Variants in CNR2 observed in about 807,000 individuals in gnomAD.
CNR2 encodes cannabinoid receptor 2.
For synonymous variants in CNR2, 172 were observed against 182.2 expected (o/e 0.94, Z 0.45); for missense variants, 379 against 439.9 (o/e 0.86, Z 1.24).
intron 1 of CNR2, among the ~76,000 whole-genome samples, chr1:23,890,335 G>A (rs1164777014): frequency 1.3e-5 from 2 of 151,008 alleles, no homozygotes; most frequent in Non-Finnish European, 2.9e-5. Context: ...CCTGACCTTC[G>A]CCTGAGAGCC....
At chr1:23,880,200 C>T (rs1375966653) in intron 1 of CNR2, among the ~76,000 whole-genome samples, 10 of 6,802 alleles carry the variant, frequency 1.5e-3, no homozygotes, top group Admixed American at 3.6e-3. Flanking sequence ...TTTTTTGAGA[C>T]GGAGTCTCAC....
intron 1 of CNR2, among the ~76,000 whole-genome samples, chr1:23,898,970 T>G (rs1640336506): frequency 6.6e-6 from 1 of 152,148 alleles, no homozygotes; most frequent in South Asian, 2.1e-4. Context: ...TATATTATTT[T>G]TAAATGTTTT....
At chr1:23,885,630 A>G (rs188402516) in intron 1 of CNR2, among the ~76,000 whole-genome samples, 2,386 of 152,166 alleles carry the variant, frequency 0.016, 33 homozygotes, top group Non-Finnish European at 0.019. Flanking sequence ...CTGTAATCCC[A>G]GCACTCTGGG....
Position 23,872,160 on chromosome 1 carries a change from A to AAAC in CNR2, c.*2374_*2375insGTT, listed in dbSNP as rs1639775329. On this transcript the variant is annotated 3_prime_UTR_variant, in exon 2 of 2. Coordinates refer to ENST00000374472, the MANE Select transcript of CNR2 (RefSeq NM_001841.3). ...AAAAAAAAAAAAAAAAAAAAAAGAC[A>AAAC]CCAAGAGACACAGAGGAAATGCCAT... is the stretch of plus-strand genomic sequence containing the variant. 7.0e-6 allele frequency: 1 copy of AAAC among 142,584 alleles called. No homozygotes were observed. The highest frequency in any genetic ancestry group is 2.6e-5 in the African/African-American group (1 of 38,998). The allele number at this position is 142,584 out of a possible 1,614,324, so 8.8% of individuals were successfully genotyped here. A position where few individuals can be genotyped will look rare whatever the true frequency, so the allele number is the denominator to read the frequency against.
chr1:23,880,291 C>T (rs756234804), intron 1 of CNR2, among the ~76,000 whole-genome samples: 25 of 150,402 alleles, frequency 1.7e-4, no homozygotes, highest in Non-Finnish European at 2.7e-4. Flanking sequence ...CTTTCTCTTG[C>T]CTCAGCCTCC....
chr1:23,875,138 G>C lies in CNR2; in HGVS notation c.480C>G (p.Leu160=). The change falls in exon 2 of 2, where the codon CTC becomes CTG. Residue 160 remains leucine (L), a synonymous_variant. Coordinates refer to ENST00000374472, the MANE Select transcript of CNR2 (RefSeq NM_001841.3). ...ALVTLGIMWV[L]SALVSYLPLM... The stretch of plus-strand genomic sequence containing the variant: ...GGGGCAGGTAGGAGACTAGTGCTGA[G>C]AGGACCCACATGATGCCCAGGGTCA... 1.2e-6 allele frequency: 2 copies of C among 1,612,232 alleles called. No individual in the cohort carries two copies. Among genetic ancestry groups the C allele is most frequent in the African/African-American group, 2.7e-5 (2 of 75,038 alleles).
intron 1 of CNR2, among the ~76,000 whole-genome samples, chr1:23,882,441 CT>C (rs1162048274): frequency 6.6e-6 from 1 of 152,122 alleles, no homozygotes; most frequent in African/African-American, 2.4e-5. Context: ...CATTGAATGA[CT>C]ACGAAATTGT....
intron 1 of CNR2, among the ~76,000 whole-genome samples, chr1:23,900,896 T>A (rs1463484494): frequency 1.3e-5 from 2 of 152,124 alleles, no homozygotes; most frequent in Admixed American, 6.6e-5. Flanking sequence ...AAATCTCTGA[T>A]CCTCGAATGC....
Position 23,875,071 on chromosome 1 carries a change from A to G in CNR2, c.547T>C (p.Phe183Leu). 6.2e-7 allele frequency: 1 copy of G among 1,601,866 alleles called. No homozygotes were observed. Among genetic ancestry groups the G allele is most frequent in the Non-Finnish European group, 8.5e-7 (1 of 1,174,494 alleles). Reference protein sequence around the residue: ...TCCPRPCSELFPLIPNDYLLS... With the variant: ...TCCPRPCSELLPLIPNDYLLS... The stretch of plus-strand genomic sequence containing the variant: ...AGGTAGTCATTGGGGATCAGTGGGA[A>G]AAGCTCAGAGCAGGGCCTGGGACAG... Residue 183 changes from phenylalanine (F) to leucine (L), a missense_variant, in exon 2 of 2, where the codon TTC (phenylalanine) becomes CTC (leucine). Physicochemically the swap from Phe to Leu is conservative, Grantham distance 22. Coordinates refer to ENST00000374472, the MANE Select transcript of CNR2 (RefSeq NM_001841.3).
chr1:23,901,476 C>T, intron 1 of CNR2: 1 of 1,559,290 alleles, frequency 6.4e-7, no homozygotes, highest in Non-Finnish European at 8.7e-7. Flanking sequence ...GCACCTCAGG[C>T]ATAGAAGATG....
At chr1:23,880,561 TA>T (rs1366484358) in intron 1 of CNR2, among the ~76,000 whole-genome samples, 3 of 151,950 alleles carry the variant, frequency 2.0e-5, no homozygotes, top group African/African-American at 7.2e-5. Flanking sequence ...TAAAATGTAT[TA>T]TTTTTAGTTT....
At chr1:23,889,920 C>T (rs1640155892) in intron 1 of CNR2, among the ~76,000 whole-genome samples, 1 of 152,142 alleles carries the variant, frequency 6.6e-6, no homozygotes, top group East Asian at 1.9e-4. Context: ...ACCTGGTTTA[C>T]AGTAGGTATC....
At chr1:23,880,673 C>T (rs9424396) in intron 1 of CNR2, among the ~76,000 whole-genome samples, 126,663 of 151,484 alleles carry the variant, frequency 0.84, 53,124 homozygotes, top group Non-Finnish European at 0.86. Flanking sequence ...TCAAGTGATT[C>T]TCCTGCTTCA....
chr1:23,902,717 G>A, intron 1 of CNR2: 2 of 1,583,696 alleles, frequency 1.3e-6, no homozygotes, highest in South Asian at 1.1e-5. Flanking sequence ...ACATGAGCGC[G>A]TTCCTCTCGC....
rs1639842660 is a variant in CNR2 at position 23,874,967 on chromosome 1, A to T, written c.651T>A (p.His217Gln). The T allele has an allele frequency of 6.2e-7, 1 of 1,610,056 alleles. No homozygotes were observed. ...YTYGHVLWKA[H>Q]QHVASLSGHQ... ...GGCCAGACAAGCTGGCCACATGCTG[A>T]TGGGCCTTCCAGAGAACATGCCCAT... The change falls in exon 2 of 2, where the codon CAT becomes CAA. Residue 217 changes from histidine (H) to glutamine (Q), a missense_variant. Coordinates refer to ENST00000374472, the MANE Select transcript of CNR2 (RefSeq NM_001841.3).
intron 1 of CNR2, among the ~76,000 whole-genome samples, chr1:23,892,252 G>A (rs4573477): frequency 0.82 from 124,337 of 151,854 alleles, 51,012 homozygotes; most frequent in Admixed American, 0.84. Flanking sequence ...CAGTGGAGGT[G>A]GGACAGCACT....
At chr1:23,880,378 C>T (rs1039306064) in intron 1 of CNR2, among the ~76,000 whole-genome samples, 4 of 151,764 alleles carry the variant, frequency 2.6e-5, no homozygotes, top group Non-Finnish European at 4.4e-5. Flanking sequence ...GGGGTTTCAC[C>T]GTGTTAGTCA....
rs1639805053 is a variant in CNR2, at chr1:23,873,627, C to T, written c.*908G>A. The stretch of plus-strand genomic sequence containing the variant: ...TACCTGGCATATAGGAAGGACATTT[C>T]CCCTCCTCCCACTTGCTCTGCTTAT... On this transcript the variant is annotated 3_prime_UTR_variant, in exon 2 of 2. Transcript: ENST00000374472. The T allele has an allele frequency of 6.6e-6, 1 of 152,176 alleles. No individual in the cohort carries two copies. Among genetic ancestry groups the T allele is most frequent in the Admixed American group, 6.6e-5 (1 of 15,254 alleles). 9.4% of individuals were successfully genotyped at this position (152,176 alleles called of 1,614,324 possible).
rs527797875 is a variant in CNR2, at chr1:23,875,281, C to T, written c.337G>A (p.Val113Met). Residue 113 changes from valine to methionine, a missense_variant, in exon 2 of 2, where the codon GTG becomes ATG. Physicochemically the swap from Val to Met is conservative, Grantham distance 21. Transcript: ENST00000374472. ...ACAGAGGCTGTGAAGGTCATAGTCA[C>T]GCTGCCAATCTTCAGCAGGAAGACA... ...KAVFLLKIGSVTMTFTASVGS... is the reference protein window; with the variant it reads ...KAVFLLKIGSMTMTFTASVGS... 16 of 1,614,062 alleles carry T rather than the reference C, an allele frequency of 9.9e-6. No homozygotes were observed. Among genetic ancestry groups the T allele is most frequent in the South Asian group, 6.6e-5 (6 of 91,084 alleles).
Sources: gnomAD v4.1 joint callset for allele counts (sites outside exome capture counted in the v4.1 genomes callset) on GRCh38, gnomAD v4.1.1 for gene constraint, MANE v1.5 for transcripts, NCBI Gene and HGNC (gene_info 2026-07-23, HGNC 2026-07-21) for gene names.